TEX9: variants seen among roughly 807,000 people sequenced by gnomAD.
TEX9 encodes the protein testis expressed 9.
TEX9 carries 74 observed loss-of-function variants against 59.6 expected under a neutral mutation model. The observed-to-expected ratio is 1.24, with a 90% CI of 1.03 to 1.51. The LOEUF is 1.51. Among genes scored for constraint, TEX9 ranks in the 40% most tolerant of loss-of-function variants. TEX9 has a pLI of 0.00. For synonymous variants in TEX9, 186 were observed against 152.2 expected, an observed-to-expected ratio of 1.22 and a Z score of -1.64; for missense variants, 522 against 447.8, an observed-to-expected ratio of 1.17 and a Z score of -1.49.
chr15:56,252,723 C>A (rs2044054449), intron 1 of TEX9, among the ~76,000 whole-genome samples: 1 of 152,044 alleles, frequency 6.6e-6, no homozygotes, highest in African/African-American at 2.4e-5. Flanking sequence ...AGGCTTGAGG[C>A]TGACCCTCAT....
chr15:56,363,957 C>T (rs779724858), upstream of TEX9, among the ~76,000 whole-genome samples: 1 of 151,468 alleles, frequency 6.6e-6, no homozygotes, highest in African/African-American at 2.4e-5. Flanking sequence ...GCTCATATTA[C>T]AGGCATGAGC....
At chr15:56,334,659 C>T (rs1194379327) in intron 1 of TEX9, among the ~76,000 whole-genome samples, 2 of 152,032 alleles carry the variant, frequency 1.3e-5, no homozygotes, top group Non-Finnish European at 2.9e-5. Context: ...AATGGGATCA[C>T]ATCAAGTTAA....
In TEX9 at chr15:56,328,882, C is replaced by T. The variant is rs77446307; in HGVS notation, c.-106-44559C>T. Among the ~76,000 whole-genome samples, 635 of 152,314 alleles carry T rather than the reference C, an allele frequency of 4.2e-3. 2 individuals are homozygous for T. The highest frequency in any genetic ancestry group is 0.01 in the Middle Eastern group (3 of 294). ...TAGCCACCCTGAAGAGAAGGACAGA[C>T]GCCTGGCTGGCTTCACCACCTGCTG... On this transcript the variant is annotated intron_variant, in intron 1 of 5. Coordinates refer to the TEX9 transcript ENST00000560827.
intron 1 of TEX9, among the ~76,000 whole-genome samples, chr15:56,246,029 C>A (rs2043845530): frequency 6.6e-6 from 1 of 152,072 alleles, no homozygotes; most frequent in East Asian, 1.9e-4. Flanking sequence ...GAGGGGGTAA[C>A]GTATCTAAGG....
chr15:56,404,311 A>G (rs1389879128), intron 9 of TEX9, among the ~76,000 whole-genome samples: 1 of 152,198 alleles, frequency 6.6e-6, no homozygotes, highest in East Asian at 1.9e-4. Context: ...ACCCCATCAA[A>G]AAGTGGGCAA....
At chr15:56,333,774 A>T (rs2046206116) in intron 1 of TEX9, among the ~76,000 whole-genome samples, 1 of 152,170 alleles carries the variant, frequency 6.6e-6, no homozygotes, top group Non-Finnish European at 1.5e-5. Context: ...ATTTGGAAAA[A>T]CATAAAGACT....
intron 3 of TEX9, among the ~76,000 whole-genome samples, chr15:56,375,743 A>G (rs1355190141): frequency 2.6e-5 from 4 of 152,094 alleles, no homozygotes; most frequent in African/African-American, 9.7e-5. Context: ...AGGACTATAA[A>G]TCATGCTGCT....
intron 3 of TEX9, among the ~76,000 whole-genome samples, chr15:56,377,315 G>A (rs1444559735): frequency 1.3e-5 from 2 of 152,042 alleles, no homozygotes; most frequent in African/African-American, 4.8e-5. Context: ...TTTGCAAGGG[G>A]TTGCCTTGAA....
At position 56,270,401 on chromosome 15, in the gene TEX9, T is replaced by A. The variant is rs183687183; in HGVS notation, c.-107+26123T>A. ...AATTGATCCCTTTACCATTATGTAATGGCCTTCTTTGTCTCTTTTGTTCTT... is the reference window on the plus strand; with the variant it reads ...AATTGATCCCTTTACCATTATGTAAAGGCCTTCTTTGTCTCTTTTGTTCTT... On this transcript the variant is annotated intron_variant, in intron 1 of 5. Coordinates refer to the TEX9 transcript ENST00000560827. Among the ~76,000 whole-genome samples the A allele has an allele frequency of 2.6e-3, 403 of 152,348 alleles. 4 individuals are homozygous for A. The highest frequency in any genetic ancestry group is 9.2e-3 in the African/African-American group (384 of 41,594).
chr15:56,403,882 A>T (rs1291057321), intron 9 of TEX9, among the ~76,000 whole-genome samples: 1 of 152,264 alleles, frequency 6.6e-6, no homozygotes, highest in Non-Finnish European at 1.5e-5. Flanking sequence ...GAAATGGGGA[A>T]AGGAGTCCCT....
intron 1 of TEX9, among the ~76,000 whole-genome samples, chr15:56,309,693 G>GTTTATTTTTTT (rs1290352080): frequency 3.3e-5 from 2 of 60,770 alleles, no homozygotes; most frequent in Admixed American, 2.2e-4. Flanking sequence ...TTTATGGGAA[G>GTTTATTTTTTT]TTTTTTTTTT....
At chr15:56,268,436 A>G (rs113916111) in intron 1 of TEX9, among the ~76,000 whole-genome samples, 4 of 152,164 alleles carry the variant, frequency 2.6e-5, no homozygotes, top group African/African-American at 9.7e-5. Context: ...GTTTTTGCCC[A>G]TTCAGTATGA....
chr15:56,381,578 C>T (rs2047727485), intron 3 of TEX9, among the ~76,000 whole-genome samples: 1 of 152,156 alleles, frequency 6.6e-6, no homozygotes, highest in South Asian at 2.1e-4. Flanking sequence ...ACTTGGGCCC[C>T]CTGCCCAATA....
chr15:56,260,097 G>C (rs1596047963), intron 1 of TEX9, among the ~76,000 whole-genome samples: 1 of 151,888 alleles, frequency 6.6e-6, no homozygotes. Flanking sequence ...TATTGATTTT[G>C]TATTCAGTGA....
At chr15:56,300,719 G>GAGAGAGAGAA (rs1425214568) in intron 1 of TEX9, among the ~76,000 whole-genome samples, 35 of 148,990 alleles carry the variant, frequency 2.3e-4, no homozygotes, top group Non-Finnish European at 3.6e-4. Context: ...GAGAGAGAGA[G>GAGAGAGAGAA]AGAGAGAGAG....
chr15:56,291,812 C>T (rs1305041477), intron 1 of TEX9, among the ~76,000 whole-genome samples: 1 of 152,216 alleles, frequency 6.6e-6, no homozygotes, highest in Non-Finnish European at 1.5e-5. Context: ...ATTCTACTCT[C>T]AGAGGGCTCA....
chr15:56,376,515 A>G (rs1480524789), intron 3 of TEX9, among the ~76,000 whole-genome samples: 1 of 152,066 alleles, frequency 6.6e-6, no homozygotes, highest in East Asian at 1.9e-4. Flanking sequence ...ATTGATGTTG[A>G]ACACCTTTTT....
chr15:56,261,130 G>C (rs2141345514), intron 1 of TEX9, among the ~76,000 whole-genome samples: 1 of 151,886 alleles, frequency 6.6e-6, no homozygotes, highest in African/African-American at 2.4e-5. Context: ...GATTGGTCTT[G>C]CTAAGAGTTT....
intron 2 of TEX9, among the ~76,000 whole-genome samples, chr15:56,369,476 T>A (rs1473946148): frequency 3.3e-5 from 5 of 151,860 alleles, no homozygotes; most frequent in Non-Finnish European, 7.4e-5. Flanking sequence ...ACTACAGGCA[T>A]GTGCTAACAT....
Sources: gnomAD v4.1 joint callset for allele counts (sites outside exome capture counted in the v4.1 genomes callset) on GRCh38, gnomAD v4.1.1 for gene constraint, MANE v1.5 for transcripts, NCBI Gene and HGNC (gene_info 2026-07-23, HGNC 2026-07-21) for gene names.